Variants in TMEM154 observed in about 807,000 individuals in gnomAD.
The protein encoded by TMEM154 is transmembrane protein 154.
TMEM154 carries 27 observed loss-of-function variants against 24.5 expected under a neutral mutation model. The observed-to-expected ratio is 1.10, with a 90% confidence interval of 0.81 to 1.52. TMEM154 has a LOEUF of 1.52. TMEM154 is among the 40% of genes most tolerant of loss of function. The pLI, the probability that TMEM154 is intolerant of heterozygous loss-of-function variation, is 0.00. For synonymous variants in TMEM154, 67 were observed against 76.8 expected, an observed-to-expected ratio of 0.87 and a Z score of 0.67; for missense variants, 228 against 213.4, an observed-to-expected ratio of 1.07 and a Z score of -0.43.
intron 6 of TMEM154, among the ~76,000 whole-genome samples, chr4:152,634,366 T>G (rs1286088727): frequency 6.6e-6 from 1 of 152,246 alleles, no homozygotes; most frequent in African/African-American, 2.4e-5. Context: ...AACTTTCTTG[T>G]GTTATGATGC....
chr4:152,658,833 T>G (rs2149786599), intron 1 of TMEM154, among the ~76,000 whole-genome samples: 1 of 150,528 alleles, frequency 6.6e-6, no homozygotes, highest in Non-Finnish European at 1.5e-5. Context: ...AAAAAAAGGT[T>G]ATTGTTGAAA....
At chr4:152,643,632 C>T (rs1362393375) in intron 4 of TMEM154, among the ~76,000 whole-genome samples, 1 of 152,228 alleles carries the variant, frequency 6.6e-6, no homozygotes, top group African/African-American at 2.4e-5. Flanking sequence ...CCTTCAATTC[C>T]CAGGCCTTTC....
chr4:152,670,482 G>T (rs1479867754), intron 1 of TMEM154, among the ~76,000 whole-genome samples: 1 of 152,130 alleles, frequency 6.6e-6, no homozygotes, highest in African/African-American at 2.4e-5. Context: ...TGTAATCCCA[G>T]CTACTCGGGA....
chr4:152,673,132 T>G (rs1228557305), intron 1 of TMEM154, among the ~76,000 whole-genome samples: 5 of 152,214 alleles, frequency 3.3e-5, no homozygotes, highest in African/African-American at 1.2e-4. Context: ...ATTATTGTCC[T>G]AAAGTTACTG....
intron 3 of TMEM154, among the ~76,000 whole-genome samples, chr4:152,649,969 T>C (rs909128517): frequency 4.6e-5 from 7 of 152,252 alleles, no homozygotes; most frequent in African/African-American, 1.2e-4. Context: ...ACAATGTATA[T>C]ACCTTAATTT....
In TMEM154 at chr4:152,644,400, G is replaced by A. The variant is rs760541892; in HGVS notation, c.392+15C>T. ...TCACACCCCAGGTGGATCAGAAGCAGCAGGGAAAACTTACACTTTCACGTT... is the reference window on the plus strand; with the variant it reads ...TCACACCCCAGGTGGATCAGAAGCAACAGGGAAAACTTACACTTTCACGTT... On this transcript the variant is annotated intron_variant, in intron 4 of 6. Transcript: ENST00000304385. The A allele has an allele frequency of 1.9e-6, 3 of 1,614,032 alleles. No homozygotes were observed. The South Asian group carries it at 3.3e-5, about 18-fold the overall frequency.
At chr4:152,642,165 C>G (rs535067656) in intron 5 of TMEM154, among the ~76,000 whole-genome samples, 1 of 151,838 alleles carries the variant, frequency 6.6e-6, no homozygotes, top group East Asian at 1.9e-4. Context: ...GTTATCCACC[C>G]GCCTCGGCCT....
chr4:152,673,713 T>C (rs1275977361), intron 1 of TMEM154, among the ~76,000 whole-genome samples: 1 of 152,264 alleles, frequency 6.6e-6, no homozygotes, highest in Non-Finnish European at 1.5e-5. Context: ...CTTGATACAT[T>C]TGGCTGGAAT....
At chr4:152,646,516 C>A (rs1419575451) in intron 3 of TMEM154, 1 of 162,500 alleles carries the variant, frequency 6.2e-6, no homozygotes, top group African/African-American at 2.4e-5. Flanking sequence ...CCTGCCCGCT[C>A]CACTCCACCT....
At chr4:152,650,492 C>A (rs1251544507) in intron 3 of TMEM154, among the ~76,000 whole-genome samples, 1 of 152,178 alleles carries the variant, frequency 6.6e-6, no homozygotes, top group South Asian at 2.1e-4. Context: ...TCCTAGTTCT[C>A]TTGTTCTTTC....
intron 1 of TMEM154, 139 bp downstream of exon 1, chr4:152,679,731 T>G: frequency 2.4e-6 from 3 of 1,262,192 alleles, no homozygotes; most frequent in Non-Finnish European, 3.4e-6. Context: ...AAAAAAGGAG[T>G]TCTAATTTTC....
chr4:152,658,843 A>G (rs2149786605), intron 1 of TMEM154, among the ~76,000 whole-genome samples: 1 of 152,114 alleles, frequency 6.6e-6, no homozygotes, highest in Non-Finnish European at 1.5e-5. Flanking sequence ...TATTGTTGAA[A>G]AGGAAAAAGC....
intron 1 of TMEM154, among the ~76,000 whole-genome samples, chr4:152,659,858 G>A (rs1579528853): frequency 1.3e-5 from 2 of 152,262 alleles, no homozygotes; most frequent in African/African-American, 4.8e-5. Flanking sequence ...ATTAGGCACA[G>A]TAAGCAATGA....
intron 3 of TMEM154, among the ~76,000 whole-genome samples, chr4:152,652,226 C>T (rs1016641505): frequency 1.3e-5 from 2 of 149,896 alleles, no homozygotes; most frequent in African/African-American, 2.5e-5. Context: ...AAAAATGATA[C>T]CAATAGACTG....
chr4:152,675,587 A>G (rs192610812), intron 1 of TMEM154, among the ~76,000 whole-genome samples: 77 of 152,268 alleles, frequency 5.1e-4, no homozygotes, highest in African/African-American at 1.6e-3. Context: ...AGATCGTGCC[A>G]TTGCACTCCA....
intron 5 of TMEM154, among the ~76,000 whole-genome samples, chr4:152,642,630 A>T (rs572813450): frequency 4.6e-5 from 7 of 152,164 alleles, no homozygotes; most frequent in Non-Finnish European, 1.0e-4. Context: ...AATATTTTTT[A>T]ATTTTAATTT....
At chr4:152,665,524 A>ATGAGAGAGG (rs1728701657) in intron 1 of TMEM154, among the ~76,000 whole-genome samples, 1 of 152,248 alleles carries the variant, frequency 6.6e-6, no homozygotes, top group South Asian at 2.1e-4. Flanking sequence ...TAGCTAGGAT[A>ATGAGAGAGG]TGAGAGAGGG....
rs1728940536 is a variant in TMEM154 at position 152,675,645 on chromosome 4, A to AG, written c.64+4224_64+4225insC. 7.2e-5 allele frequency among the ~76,000 whole-genome samples: 11 copies of AG among 152,238 alleles called. No homozygotes were observed. The South Asian group carries it at 2.3e-3, about 32-fold the overall frequency. ...TCTGTCTCAAAAAGAAAAAAAAAAA[A>AG]CAAATTTTCTAGAAATGCCAAATAA... On this transcript the variant is annotated intron_variant, in intron 1 of 6. Transcript: ENST00000304385.
chr4:152,638,800 A>G (rs897074037), intron 6 of TMEM154, among the ~76,000 whole-genome samples: 1 of 152,196 alleles, frequency 6.6e-6, no homozygotes, highest in Admixed American at 6.5e-5. Context: ...TGGTGCTGGC[A>G]TTACGAGAGG....
Sources: gnomAD v4.1 joint callset for allele counts (sites outside exome capture counted in the v4.1 genomes callset) on GRCh38, gnomAD v4.1.1 for gene constraint, MANE v1.5 for transcripts, NCBI Gene and HGNC (gene_info 2026-07-23, HGNC 2026-07-21) for gene names.